Variants in PDSS2 observed in about 807,000 individuals in gnomAD.
PDSS2 encodes the protein all trans-polyprenyl-diphosphate synthase PDSS2.
A neutral mutation model predicts 44.5 loss-of-function variants in PDSS2; 31 were observed. That is an observed-to-expected ratio of 0.70 (90% confidence interval 0.52 to 0.94). The LOEUF is 0.94. Ranked by LOEUF, PDSS2 falls within the 40% of genes least tolerant of loss-of-function variation. The pLI is 0.00. For missense variants in PDSS2, 452 were observed against 482.2 expected (o/e 0.94, Z 0.59); for synonymous variants, 157 against 180.3 (o/e 0.87, Z 1.03).
chr6:107,270,138 C>T (rs1461359098), intron 3 of PDSS2, among the ~76,000 whole-genome samples: 2 of 151,832 alleles, frequency 1.3e-5, no homozygotes, highest in Non-Finnish European at 2.9e-5. Flanking sequence ...GACCGAGATT[C>T]GCTCTTGTTG....
intron 2 of PDSS2, among the ~76,000 whole-genome samples, chr6:107,278,043 A>G (rs1295600574): frequency 6.6e-6 from 1 of 151,966 alleles, no homozygotes; most frequent in Non-Finnish European, 1.5e-5. Flanking sequence ...TCTTAAAAAA[A>G]ACAGAATGGT....
At chr6:107,200,683 T>C (rs552776768) in intron 6 of PDSS2, among the ~76,000 whole-genome samples, 4 of 152,098 alleles carry the variant, frequency 2.6e-5, no homozygotes, top group Non-Finnish European at 5.9e-5. Context: ...ATTATTATTA[T>C]TGAGATGGAG....
intron 3 of PDSS2, chr6:107,264,330 A>G (rs1334717595): frequency 6.8e-7 from 1 of 1,461,540 alleles, no homozygotes; most frequent in African/African-American, 1.4e-5. Flanking sequence ...ATAAGGAAAT[A>G]CATCAGCTAT....
chr6:107,420,668 C>T (rs758216663), intron 1 of PDSS2, among the ~76,000 whole-genome samples: 5 of 151,954 alleles, frequency 3.3e-5, no homozygotes, highest in Admixed American at 2.6e-4. Flanking sequence ...AAACGCACAC[C>T]GCATACAAAG....
chr6:107,283,295 C>A (rs370538464), intron 2 of PDSS2, among the ~76,000 whole-genome samples: 1 of 151,574 alleles, frequency 6.6e-6, no homozygotes, highest in Non-Finnish European at 1.5e-5. Context: ...CACCGCACTC[C>A]AGCCTGGGCG....
At chr6:107,324,415 TGTA>T (rs1327604535) in intron 2 of PDSS2, among the ~76,000 whole-genome samples, 2 of 152,212 alleles carry the variant, frequency 1.3e-5, no homozygotes, top group African/African-American at 4.8e-5. Context: ...TTAAGGTTCT[TGTA>T]GTACAAAAAG....
At chr6:107,332,602 T>C (rs1777748589) in intron 2 of PDSS2, among the ~76,000 whole-genome samples, 1 of 150,404 alleles carries the variant, frequency 6.6e-6, no homozygotes, top group South Asian at 2.1e-4. Flanking sequence ...ATTAGAAAGG[T>C]AGAATGTAAT....
intron 1 of PDSS2, among the ~76,000 whole-genome samples, chr6:107,420,306 C>G (rs889343488): frequency 2.0e-5 from 3 of 152,180 alleles, no homozygotes; most frequent in Admixed American, 6.5e-5. Context: ...CCCACACAGA[C>G]AAGCTGGAGA....
intron 6 of PDSS2, among the ~76,000 whole-genome samples, chr6:107,205,873 C>T (rs12208316): frequency 0.036 from 5,412 of 152,188 alleles, 106 homozygotes; most frequent in East Asian, 0.066. Context: ...GAACGGGTAT[C>T]GAGAGTATGT....
chr6:107,378,699 T>C (rs1237970556), intron 1 of PDSS2, among the ~76,000 whole-genome samples: 1 of 152,106 alleles, frequency 6.6e-6, no homozygotes, highest in African/African-American at 2.4e-5. Context: ...GGCAGGAGAA[T>C]AGCTTGAACC....
intron 1 of PDSS2, among the ~76,000 whole-genome samples, chr6:107,456,073 G>A (rs781547780): frequency 3.3e-5 from 5 of 151,826 alleles, no homozygotes; most frequent in Non-Finnish European, 4.4e-5. Flanking sequence ...CTATAATCCC[G>A]GCACTTTGGG....
At chr6:107,318,521 G>A (rs1436618253) in intron 2 of PDSS2, among the ~76,000 whole-genome samples, 1 of 151,970 alleles carries the variant, frequency 6.6e-6, no homozygotes, top group Non-Finnish European at 1.5e-5. Flanking sequence ...AAAAAGATCT[G>A]AAGTAGAAAA....
chr6:107,236,825 C>T (rs1774242302), intron 4 of PDSS2, among the ~76,000 whole-genome samples: 1 of 152,164 alleles, frequency 6.6e-6, no homozygotes, highest in Admixed American at 6.5e-5. Flanking sequence ...ACATTACCCT[C>T]CTGTTATTTT....
intron 4 of PDSS2, among the ~76,000 whole-genome samples, chr6:107,238,692 G>A (rs1206072361): frequency 1.3e-5 from 2 of 152,166 alleles, no homozygotes; most frequent in Non-Finnish European, 2.9e-5. Context: ...CAGGTATTCA[G>A]TATAAACCAT....
intron 2 of PDSS2, among the ~76,000 whole-genome samples, chr6:107,302,408 G>A (rs1776724846): frequency 6.6e-6 from 1 of 151,262 alleles, no homozygotes; most frequent in Non-Finnish European, 1.5e-5. Context: ...TGAATAGCTG[G>A]GACCACGGGT....
chr6:107,402,509 T>TAC lies in PDSS2; in HGVS notation c.296+56479_296+56480dup, dbSNP rs370968701. The stretch of plus-strand genomic sequence containing the variant: ...ATACGTATATATGTATACATATATA[T>TAC]ACACACACATATATACATACATTTT... On this transcript the variant is annotated intron_variant, in intron 1 of 7. Coordinates refer to ENST00000369037, the MANE Select transcript of PDSS2 (RefSeq NM_020381.4). Among the ~76,000 whole-genome samples the TAC allele has an allele frequency of 5.2e-3, 627 of 119,542 alleles. 43 individuals are homozygous for TAC. In the East Asian group the frequency reaches 0.087, roughly 17 times the overall value. 78.4% of individuals were successfully genotyped at this position (119,542 alleles called of 152,430 possible). A position where few individuals can be genotyped will look rare whatever the true frequency, so the allele number is the denominator to read the frequency against.
chr6:107,182,069 G>C (rs1388203852), intron 7 of PDSS2, among the ~76,000 whole-genome samples: 1 of 152,164 alleles, frequency 6.6e-6, no homozygotes, highest in South Asian at 2.1e-4. Context: ...TAACACCTCA[G>C]AGAACAAGAA....
At chr6:107,297,451 C>T (rs529394791) in intron 2 of PDSS2, among the ~76,000 whole-genome samples, 34 of 150,974 alleles carry the variant, frequency 2.3e-4, no homozygotes, top group South Asian at 6.3e-4. Flanking sequence ...GGTGCGATCT[C>T]GGCTCCCTGC....
intron 1 of PDSS2, among the ~76,000 whole-genome samples, chr6:107,439,237 T>C (rs1781444904): frequency 6.6e-6 from 1 of 152,204 alleles, no homozygotes; most frequent in South Asian, 2.1e-4. Flanking sequence ...GCCATGGCAA[T>C]TTCAGCAAGC....
Sources: allele counts gnomAD v4.1 joint callset (sites outside exome capture counted in the v4.1 genomes callset), GRCh38; gene constraint gnomAD v4.1.1; transcripts MANE v1.5; gene names NCBI Gene and HGNC (gene_info 2026-07-23, HGNC 2026-07-21).